Variants in MYO3B observed in about 807,000 individuals in gnomAD.
MYO3B encodes the protein myosin-IIIb.
In MYO3B, 156 loss-of-function variants were observed where a neutral mutation model predicts 174.6. That is an observed-to-expected ratio of 0.89 (90% confidence interval 0.78 to 1.02). The LOEUF (loss-of-function observed/expected upper bound fraction) is 1.02, where lower values mean the gene tolerates loss of function less well. Ranked by LOEUF, MYO3B falls within the 50% of genes least tolerant of loss-of-function variation. The pLI, the probability that MYO3B is intolerant of heterozygous loss-of-function variation, is 0.00. For synonymous variants in MYO3B, 563 were observed against 569.1 expected, an observed-to-expected ratio of 0.99 and a Z score of 0.15; for missense variants, 1,632 against 1,639.4, an observed-to-expected ratio of 1.00 and a Z score of 0.08.
At chr2:170,181,713 T>C (rs1000836404) in intron 1 of MYO3B, among the ~76,000 whole-genome samples, 4 of 152,208 alleles carry the variant, frequency 2.6e-5, no homozygotes, top group Admixed American at 2.0e-4. Flanking sequence ...TTTTCTTTTA[T>C]GTTCTGTTAA....
intron 24 of MYO3B, among the ~76,000 whole-genome samples, chr2:170,465,199 A>T (rs1180132767): frequency 6.6e-6 from 1 of 152,032 alleles, no homozygotes; most frequent in East Asian, 1.9e-4. Context: ...TAAAGAAAAG[A>T]GGTTTATTGG....
rs189509681 is a variant in MYO3B, at chr2:170,258,459, A to G, written c.749+22323A>G. Reference sequence around the variant, plus strand: ...CACATAAACAGAATTAAAAGAAAAAATCATATGATCATCTCAATAGATATA... The same window carrying G: ...CACATAAACAGAATTAAAAGAAAAAGTCATATGATCATCTCAATAGATATA... On this transcript the variant is annotated intron_variant, in intron 7 of 34. Coordinates refer to ENST00000408978, the MANE Select transcript of MYO3B (RefSeq NM_138995.5). 5.1e-3 allele frequency among the ~76,000 whole-genome samples: 782 copies of G among 152,274 alleles called. 2 individuals carry two copies. The highest frequency in any genetic ancestry group is 8.9e-3 in the Non-Finnish European group (606 of 67,984).
rs71006078 is a variant in MYO3B at position 170,234,170 on chromosome 2, CAAA to C, written c.604-1806_604-1804del. ...TGGGCGACAGAGTGAGACTCCGTCTCAAAAAAAAAAAAAAAAACAAAACAAAAC... is the reference window on the plus strand; with the variant it reads ...TGGGCGACAGAGTGAGACTCCGTCTCAAAAAAAAAAAAAACAAAACAAAAC... On this transcript the variant is annotated intron_variant, in intron 6 of 34. Coordinates refer to ENST00000408978, the MANE Select transcript of MYO3B (RefSeq NM_138995.5). Among the ~76,000 whole-genome samples, 34 of 48,584 alleles carry C rather than the reference CAAA, an allele frequency of 7.0e-4. 2 individuals carry two copies. Among genetic ancestry groups the C allele is most frequent in the African/African-American group, 3.6e-3 (32 of 8,868 alleles). The allele number at this position is 48,584 out of a possible 152,430, so 31.9% of individuals were successfully genotyped here.
At chr2:170,404,125 A>G in intron 19 of MYO3B, 122 bp from the exon 20 acceptor site, 1 of 996,776 alleles carries the variant, frequency 1.0e-6, no homozygotes, top group Non-Finnish European at 1.5e-6. Flanking sequence ...TATACACATA[A>G]AACATATCCT....
chr2:170,243,167 C>T (rs752539452), intron 7 of MYO3B, among the ~76,000 whole-genome samples: 13 of 152,144 alleles, frequency 8.5e-5, no homozygotes, highest in Admixed American at 4.6e-4. Context: ...AACTTAGTTG[C>T]TTAAACAACA....
At chr2:170,387,359 A>G (rs1294379917) in intron 14 of MYO3B, 51 bp downstream of exon 14, 1 of 1,545,488 alleles carries the variant, frequency 6.5e-7, no homozygotes, top group Middle Eastern at 1.7e-4. Context: ...AAAAACTGGG[A>G]GACTTTGGAA....
chr2:170,514,972 C>T lies in MYO3B; in HGVS notation c.3422C>T (p.Thr1141Met), dbSNP rs370443836. 29 of 1,613,764 alleles carry T rather than the reference C, an allele frequency of 1.8e-5. No homozygotes were observed. The African/African-American group carries it at 2.7e-4, about 15-fold the overall frequency. The change falls in exon 29 of 35, where the codon ACG becomes ATG. Residue 1141 changes from threonine to methionine, a missense_variant. By Grantham distance (81) the Thr-to-Met change is moderately conservative (BLOSUM62 -1). Coordinates refer to ENST00000408978, the MANE Select transcript of MYO3B (RefSeq NM_138995.5). ...SGPHSPVAAGTRGSAEVQDCS... is the reference protein window; with the variant it reads ...SGPHSPVAAGMRGSAEVQDCS... ...CCACATTCCCCCGTCGCAGCAGGTA[C>T]GAGGGGAAGTGCCGAGGTTCAAGAC... is the stretch of plus-strand genomic sequence containing the variant.
intron 32 of MYO3B, among the ~76,000 whole-genome samples, chr2:170,636,957 CGT>C (rs3047156): frequency 0.023 from 3,395 of 146,578 alleles, 107 homozygotes; most frequent in African/African-American, 0.071. Context: ...TGCTTTTGTG[CGT>C]GTGTGTGTGT....
At chr2:170,292,904 G>C (rs1292384301) in intron 7 of MYO3B, among the ~76,000 whole-genome samples, 2 of 152,148 alleles carry the variant, frequency 1.3e-5, no homozygotes, top group African/African-American at 4.8e-5. Context: ...AGTGGGTAGA[G>C]GCAAGTACAG....
chr2:170,198,410 G>C (rs1208658818), intron 1 of MYO3B, among the ~76,000 whole-genome samples: 2 of 152,132 alleles, frequency 1.3e-5, no homozygotes, highest in Non-Finnish European at 2.9e-5. Context: ...AGTGATGAGT[G>C]GTTTTGTTCA....
intron 13 of MYO3B, 48 bp from the exon 14 acceptor site, chr2:170,387,058 G>C: frequency 1.3e-6 from 2 of 1,596,460 alleles, no homozygotes; most frequent in South Asian, 2.2e-5. Context: ...AACTTTGCTG[G>C]TGTAATGTTT....
chr2:170,365,054 C>T (rs1207422654), intron 8 of MYO3B, among the ~76,000 whole-genome samples: 1 of 152,206 alleles, frequency 6.6e-6, no homozygotes, highest in African/African-American at 2.4e-5. Flanking sequence ...CAAAACTTCC[C>T]CCAAGACTTA....
intron 32 of MYO3B, among the ~76,000 whole-genome samples, chr2:170,642,259 T>C (rs1166401462): frequency 6.6e-6 from 1 of 152,158 alleles, no homozygotes; most frequent in Non-Finnish European, 1.5e-5. Flanking sequence ...CTCTGAGCTA[T>C]TGGTTTCAGG....
chr2:170,515,088 G>C, intron 29 of MYO3B, 66 bp downstream of exon 29: 1 of 1,372,182 alleles, frequency 7.3e-7, no homozygotes, highest in Non-Finnish European at 1.0e-6. Context: ...AGGTTCCAAA[G>C]CTGGAAGTGA....
At chr2:170,643,413 A>G (rs992823002) in intron 32 of MYO3B, among the ~76,000 whole-genome samples, 5 of 152,196 alleles carry the variant, frequency 3.3e-5, no homozygotes, top group Admixed American at 3.3e-4. Context: ...AAGATTGTCT[A>G]GCTGACAGCT....
Position 170,651,712 on chromosome 2 carries a change from C to T in MYO3B, c.3818C>T (p.Thr1273Ile). 6.2e-7 allele frequency: 1 copy of T among 1,614,036 alleles called. No individual in the cohort carries two copies. Among genetic ancestry groups the T allele is most frequent in the Non-Finnish European group, 8.5e-7 (1 of 1,179,942 alleles). The part of the protein sequence containing the change: ...QPKMLSSPED[T>I]MYYNQLNGTL... ...AAAATGCTGAGTAGCCCTGAGGACA[C>T]CATGTACTATAACCAGTTAAATGTG... The change falls in exon 33 of 35, where the codon ACC (threonine) becomes ATC (isoleucine). Residue 1273 changes from threonine to isoleucine, a missense_variant. Transcript: ENST00000408978.
At chr2:170,213,362 A>G (rs2105363600) in intron 3 of MYO3B, among the ~76,000 whole-genome samples, 1 of 152,296 alleles carries the variant, frequency 6.6e-6, no homozygotes, top group South Asian at 2.1e-4. Context: ...TCGATTGACC[A>G]AGCAGGGGGT....
chr2:170,298,141 T>C (rs956633621), intron 7 of MYO3B, among the ~76,000 whole-genome samples: 1 of 152,178 alleles, frequency 6.6e-6, no homozygotes, highest in African/African-American at 2.4e-5. Context: ...ATTCTCAAGG[T>C]AATTTTTTTA....
chr2:170,541,739 A>G (rs1331816338), intron 30 of MYO3B, among the ~76,000 whole-genome samples: 2 of 152,192 alleles, frequency 1.3e-5, no homozygotes, highest in Admixed American at 1.3e-4. Flanking sequence ...GGCACTGGGT[A>G]GGTGCTTACA....
Sources: gnomAD v4.1 joint callset for allele counts (sites outside exome capture counted in the v4.1 genomes callset) on GRCh38, gnomAD v4.1.1 for gene constraint, MANE v1.5 for transcripts, NCBI Gene and HGNC (gene_info 2026-07-23, HGNC 2026-07-21) for gene names.